The following SETD5 variants were observed in gnomAD, a reference collection of about 807,000 sequenced individuals.
SETD5 encodes the protein SET domain containing 5.
SETD5 carries 44 observed loss-of-function variants against 153.3 expected under a neutral mutation model. The ratio of observed to expected loss-of-function variants is 0.29; its 90% CI spans 0.23 to 0.37. The LOEUF (loss-of-function observed/expected upper bound fraction) is 0.37, where lower values mean the gene tolerates loss of function less well. SETD5 is among the 10% of genes least tolerant of loss of function. SETD5 has a pLI of 1.00. For synonymous variants in SETD5, 716 were observed against 645.2 expected (o/e 1.11, Z -1.66); for missense variants, 1,544 against 1,768.0 (o/e 0.87, Z 2.27).
chr3:9,448,657 T>G (rs560603079), intron 16 of SETD5, 27 bp downstream of exon 16: 13 of 1,486,050 alleles, frequency 8.7e-6, no homozygotes, highest in Admixed American at 2.5e-5. Flanking sequence ...GTGTGTGTGT[T>G]GTGTTTATGT....
At chr3:9,431,464 T>C (rs2039955107) in intron 3 of SETD5, 1 of 947,428 alleles carries the variant, frequency 1.1e-6, no homozygotes, top group Non-Finnish European at 1.3e-6. Context: ...TTTTAAAATA[T>C]AAAAACTAGT....
chr3:9,445,965 G>GTTTTTT (rs376821559), intron 13 of SETD5, among the ~76,000 whole-genome samples: 14 of 86,442 alleles, frequency 1.6e-4, no homozygotes, highest in African/African-American at 2.3e-4. Context: ...TGAAGAGGTT[G>GTTTTTT]TTTTTTTTTT....
rs912647520 is a variant in SETD5 at position 9,468,437 on chromosome 3, A to G, written c.2725-2022A>G. 63 of 1,230,352 alleles carry G rather than the reference A, an allele frequency of 5.1e-5. No homozygotes were observed. In the East Asian group the frequency reaches 2.3e-3, roughly 45 times the overall value. 76.2% of individuals were successfully genotyped at this position (1,230,352 alleles called of 1,614,324 possible). A position where few individuals can be genotyped will look rare whatever the true frequency, so the allele number is the denominator to read the frequency against. ...CCGAAAAAAGTTATGGCTAACATCT[A>G]TGCTTGCTTTTATTTTTTGTTTTGT... On this transcript the variant is annotated intron_variant, in intron 18 of 22. Coordinates refer to ENST00000402198, the MANE Select transcript of SETD5 (RefSeq NM_001080517.3).
At chr3:9,447,372 T>C in intron 14 of SETD5, 65 bp downstream of exon 14, 3 of 1,539,786 alleles carry the variant, frequency 1.9e-6, no homozygotes, top group South Asian at 1.3e-5. Flanking sequence ...TACCTAACTT[T>C]TGGAATTTTT....
chr3:9,461,345 A>G (rs2125457091), intron 17 of SETD5, among the ~76,000 whole-genome samples: 1 of 152,344 alleles, frequency 6.6e-6, no homozygotes, highest in East Asian at 1.9e-4. Context: ...AATGTTGACC[A>G]TGTATTTCTG....
intron 17 of SETD5, among the ~76,000 whole-genome samples, chr3:9,463,869 T>C (rs990281874): frequency 6.6e-6 from 1 of 152,250 alleles, no homozygotes; most frequent in African/African-American, 2.4e-5. Context: ...GGCTCACGCC[T>C]GTAATCCCAA....
chr3:9,463,861 C>T (rs1460302202), intron 17 of SETD5, among the ~76,000 whole-genome samples: 1 of 152,238 alleles, frequency 6.6e-6, no homozygotes. Flanking sequence ...GTAGCAGTGG[C>T]TCACGCCTGT....
chr3:9,434,284 A>G lies in SETD5; in HGVS notation c.178-50A>G. The G allele has an allele frequency of 6.2e-7, 1 of 1,609,390 alleles. No individual in the cohort carries two copies. The highest frequency in any genetic ancestry group is 8.5e-7 in the Non-Finnish European group (1 of 1,175,924). On this transcript the variant is annotated intron_variant, in intron 4 of 22. Transcript: ENST00000402198. This position sits in a 1 kb window ranked among gnomAD's most constrained non-coding sequence, Gnocchi z 5.6. ...AAAAAATCTTATTTTCAGGATCATA[A>G]TTACGGAGCCCCTCCTCCTCCGACA...
intron 18 of SETD5, among the ~76,000 whole-genome samples, chr3:9,469,702 A>G (rs1210324675): frequency 6.6e-6 from 1 of 152,152 alleles, no homozygotes; most frequent in African/African-American, 2.4e-5. Flanking sequence ...TAGTTGACCT[A>G]GTGTTGGAAG....
rs752435743 is a variant in SETD5, at chr3:9,441,630, G to A, written c.848G>A (p.Arg283Gln). ...AGAGTCACTCGTGTTCAAAAGCACC[G>A]GAAGATCCTGAGGGCTGCAAGAGAT... The part of the protein sequence containing the change: ...LGRVTRVQKH[R>Q]KILRAARDLA... The change falls in exon 9 of 23, where the codon CGG becomes CAG. Residue 283 changes from arginine to glutamine, a missense_variant. By Grantham distance (43) the Arg-to-Gln change is conservative (BLOSUM62 1). Transcript: ENST00000402198. 4.3e-6 allele frequency: 7 copies of A among 1,613,758 alleles called. No individual in the cohort carries two copies. Among genetic ancestry groups the A allele is most frequent in the African/African-American group, 2.7e-5 (2 of 74,902 alleles).
At chr3:9,447,631 G>C (rs1198874112) in intron 14 of SETD5, 55 bp from the exon 15 acceptor site, 1 of 1,552,576 alleles carries the variant, frequency 6.4e-7, no homozygotes, top group Non-Finnish European at 8.8e-7. Flanking sequence ...TAGGAAATTA[G>C]ACTGTTTGCT....
intron 1 of SETD5, among the ~76,000 whole-genome samples, chr3:9,400,439 T>C (rs766290493): frequency 3.3e-5 from 5 of 152,220 alleles, no homozygotes; most frequent in Non-Finnish European, 7.3e-5. Flanking sequence ...TCCATCTCTT[T>C]AATCATAGAA....
intron 3 of SETD5, chr3:9,431,640 C>G (rs2039978235): frequency 1.0e-6 from 1 of 985,466 alleles, no homozygotes; most frequent in African/African-American, 1.7e-5. Context: ...CTGTGCTTAA[C>G]TAGAAAGTAT....
chr3:9,440,322 G>A (rs1383805812), intron 7 of SETD5, 134 bp from the exon 8 acceptor site: 1 of 618,084 alleles, frequency 1.6e-6, no homozygotes, highest in African/African-American at 1.8e-5. Flanking sequence ...CTGACTCCCA[G>A]TCCATTACTC....
At chr3:9,458,279 G>A (rs1287938833) in intron 17 of SETD5, among the ~76,000 whole-genome samples, 1 of 152,088 alleles carries the variant, frequency 6.6e-6, no homozygotes, top group East Asian at 1.9e-4. Context: ...TAGGTCCTTT[G>A]CCAAAGAAAA....
intron 20 of SETD5, among the ~76,000 whole-genome samples, chr3:9,474,201 G>T (rs771572956): frequency 6.6e-6 from 1 of 152,158 alleles, no homozygotes; most frequent in Admixed American, 6.5e-5. Flanking sequence ...TTAAATGGGG[G>T]TTAAGGGAAG....
At chr3:9,423,723 C>A (rs984036287) in intron 1 of SETD5, among the ~76,000 whole-genome samples, 10 of 152,198 alleles carry the variant, frequency 6.6e-5, no homozygotes, top group African/African-American at 2.4e-4. Context: ...CGTTCTAATG[C>A]TTGGTAACTG....
At chr3:9,473,592 T>C in intron 20 of SETD5, 55 bp downstream of exon 20, 2 of 1,489,492 alleles carry the variant, frequency 1.3e-6, no homozygotes, top group Non-Finnish European at 9.1e-7. Context: ...GGAGTATATA[T>C]CTAAGATCAT....
At chr3:9,461,799 G>GT (rs2043984319) in intron 17 of SETD5, among the ~76,000 whole-genome samples, 1 of 152,142 alleles carries the variant, frequency 6.6e-6, no homozygotes, top group South Asian at 2.1e-4. Context: ...GACTTTGATA[G>GT]TTATAGTGTT....
Sources: allele counts gnomAD v4.1 joint callset (sites outside exome capture counted in the v4.1 genomes callset), GRCh38; gene constraint gnomAD v4.1.1; non-coding constraint Gnocchi (gnomAD v3.1); transcripts MANE v1.5; gene names NCBI Gene and HGNC (gene_info 2026-07-23, HGNC 2026-07-21).